The following STAU2 variants were observed in gnomAD, a reference collection of about 807,000 sequenced individuals.
The protein encoded by STAU2 is staufen double-stranded RNA binding protein 2.
A neutral mutation model predicts 65.9 loss-of-function variants in STAU2; 20 were observed. That is an observed-to-expected ratio of 0.30 (90% CI 0.21 to 0.44). The LOEUF is 0.44. STAU2 is among the 20% of genes least tolerant of loss of function. The pLI is 1.00. For missense variants in STAU2, 558 were observed against 683.9 expected (o/e 0.82, Z 2.05); for synonymous variants, 232 against 233.9 (o/e 0.99, Z 0.07).
At chr8:73,712,784 A>G (rs28750095) in intron 3 of STAU2, among the ~76,000 whole-genome samples, 41,674 of 151,710 alleles carry the variant, frequency 0.27, 6,170 homozygotes, top group East Asian at 0.45. Flanking sequence ...GCGAGACCTC[A>G]TCTCTACAAA....
chr8:73,580,017 G>A (rs1402214735), intron 12 of STAU2, among the ~76,000 whole-genome samples: 11 of 151,988 alleles, frequency 7.2e-5, no homozygotes, highest in Admixed American at 7.2e-4. Context: ...TTATAGTTAG[G>A]TGCTATGCCA....
chr8:73,569,245 G>A (rs185518261), intron 12 of STAU2, among the ~76,000 whole-genome samples: 40 of 152,246 alleles, frequency 2.6e-4, no homozygotes, highest in Admixed American at 8.5e-4. Flanking sequence ...CTGCAAAGTG[G>A]CAGTGAGGCT....
chr8:73,720,269 T>TAAAAAAAAAA (rs1280324046), intron 3 of STAU2, among the ~76,000 whole-genome samples: 1 of 83,216 alleles, frequency 1.2e-5, no homozygotes. Flanking sequence ...AGACCCTGTC[T>TAAAAAAAAAA]CAAAAAAAAA....
intron 6 of STAU2, among the ~76,000 whole-genome samples, chr8:73,658,057 C>T (rs1052837848): frequency 4.6e-5 from 7 of 151,166 alleles, no homozygotes; most frequent in African/African-American, 1.7e-4. Context: ...CTCAGTAACA[C>T]GGGGTTTTAA....
chr8:73,518,097 A>C (rs1385793127), intron 13 of STAU2, among the ~76,000 whole-genome samples: 1 of 152,240 alleles, frequency 6.6e-6, no homozygotes, highest in Non-Finnish European at 1.5e-5. Context: ...GCAAGGAGAG[A>C]AAAGTAACCT....
At chr8:73,495,678 T>TATATATATATATATATATATATAC (rs1387768770) in intron 13 of STAU2, among the ~76,000 whole-genome samples, 18 of 147,700 alleles carry the variant, frequency 1.2e-4, no homozygotes, top group African/African-American at 4.2e-4. Flanking sequence ...TATATATATA[T>TATATATATATATATATATATATAC]ATATATATAT....
intron 11 of STAU2, among the ~76,000 whole-genome samples, chr8:73,589,715 G>A (rs1810630133): frequency 6.6e-6 from 1 of 152,076 alleles, no homozygotes; most frequent in Non-Finnish European, 1.5e-5. Context: ...AATACCAATG[G>A]TCTAATGAAT....
intron 13 of STAU2, among the ~76,000 whole-genome samples, chr8:73,459,406 A>G (rs1323145049): frequency 6.6e-6 from 1 of 152,232 alleles, no homozygotes; most frequent in Non-Finnish European, 1.5e-5. Flanking sequence ...GCCTTTGAGA[A>G]TACATTTTCC....
rs201517637 is a variant in STAU2 at position 73,472,628 on chromosome 8, AT to A, written c.1531-49927del. Among the ~76,000 whole-genome samples, 804 of 150,794 alleles carry A rather than the reference AT, an allele frequency of 5.3e-3. 5 individuals are homozygous for A. The highest frequency in any genetic ancestry group is 0.019 in the African/African-American group (771 of 41,190). On this transcript the variant is annotated intron_variant, in intron 13 of 14. Coordinates refer to ENST00000524300, the MANE Select transcript of STAU2 (RefSeq NM_001164380.2). ...AAATAATGTTCAACATGCCAAAGAA[AT>A]TTTTTTTTTGCATATAGTACAAACT...
chr8:73,680,801 C>T (rs1049378560), intron 5 of STAU2, among the ~76,000 whole-genome samples: 3 of 151,742 alleles, frequency 2.0e-5, no homozygotes, highest in Non-Finnish European at 1.5e-5. Context: ...GAAAGACACA[C>T]TTAGAGGCAT....
At chr8:73,561,922 A>T (rs975833690) in intron 12 of STAU2, among the ~76,000 whole-genome samples, 1 of 152,248 alleles carries the variant, frequency 6.6e-6, no homozygotes, top group African/African-American at 2.4e-5. Flanking sequence ...TGACTGGCTT[A>T]AAGTCACAGC....
At chr8:73,688,538 G>T in intron 5 of STAU2, 116 bp downstream of exon 5, 1 of 892,142 alleles carries the variant, frequency 1.1e-6, no homozygotes, top group Non-Finnish European at 1.8e-6. Context: ...GTGTAGGTAT[G>T]GGCATATGTG....
intron 6 of STAU2, among the ~76,000 whole-genome samples, chr8:73,666,726 G>C (rs1817269309): frequency 6.6e-6 from 1 of 152,146 alleles, no homozygotes; most frequent in Admixed American, 6.6e-5. Flanking sequence ...GTTCCAAACT[G>C]AGTGTTAACA....
At chr8:73,432,980 C>T (rs1166730306) in intron 13 of STAU2, among the ~76,000 whole-genome samples, 1 of 152,132 alleles carries the variant, frequency 6.6e-6, no homozygotes, top group African/African-American at 2.4e-5. Flanking sequence ...AAATCACAGA[C>T]CTAGCCACTG....
At chr8:73,505,827 T>TA (rs1193119205) in intron 13 of STAU2, among the ~76,000 whole-genome samples, 5 of 151,926 alleles carry the variant, frequency 3.3e-5, no homozygotes, top group Admixed American at 2.0e-4. Flanking sequence ...TGGCAGGAGG[T>TA]AACTAGATCG....
At chr8:73,464,561 T>C (rs1411493965) in intron 13 of STAU2, among the ~76,000 whole-genome samples, 1 of 151,716 alleles carries the variant, frequency 6.6e-6, no homozygotes, top group African/African-American at 2.4e-5. Context: ...TGGATTTAAA[T>C]ACGCACACAC....
chr8:73,423,877 G>A (rs1201207233), intron 13 of STAU2, among the ~76,000 whole-genome samples: 1 of 152,142 alleles, frequency 6.6e-6, no homozygotes, highest in Non-Finnish European at 1.5e-5. Flanking sequence ...TGTTATAGCT[G>A]ATGAACAAAT....
Position 73,663,903 on chromosome 8 carries a change from T to C in STAU2, c.410+9204A>G, listed in dbSNP as rs1348144565. Among the ~76,000 whole-genome samples, 3 of 152,238 alleles carry C rather than the reference T, an allele frequency of 2.0e-5. No homozygotes were observed. The East Asian group carries it at 5.8e-4, about 29-fold the overall frequency. On this transcript the variant is annotated intron_variant, in intron 6 of 14. Transcript: ENST00000524300. Reference sequence around the variant, plus strand: ...CAACTTGTGGCCTTACTAAATTCACTTATTCAGTAGCTTTTCAGTACTTTT... The same window carrying C: ...CAACTTGTGGCCTTACTAAATTCACCTATTCAGTAGCTTTTCAGTACTTTT...
At chr8:73,623,167 A>G (rs1023338951) in intron 6 of STAU2, among the ~76,000 whole-genome samples, 2 of 152,186 alleles carry the variant, frequency 1.3e-5, no homozygotes, top group Non-Finnish European at 2.9e-5. Flanking sequence ...TGTTAGTTGT[A>G]GCAACTTTTT....
Sources: gnomAD v4.1 joint callset for allele counts (sites outside exome capture counted in the v4.1 genomes callset) on GRCh38, gnomAD v4.1.1 for gene constraint, MANE v1.5 for transcripts, NCBI Gene and HGNC (gene_info 2026-07-23, HGNC 2026-07-21) for gene names.